The following KDM4C variants were observed in gnomAD, a reference collection of about 807,000 sequenced individuals.
KDM4C encodes the protein lysine demethylase 4C.
A neutral mutation model predicts 129.3 loss-of-function variants in KDM4C; 81 were observed. The observed-to-expected ratio is 0.63, with a 90% CI of 0.52 to 0.75. The LOEUF is 0.75. Among genes scored for constraint, KDM4C ranks in the 30% least tolerant of loss-of-function variants. The pLI, the probability that KDM4C is intolerant of heterozygous loss-of-function variation, is 0.00. For synonymous variants in KDM4C, 573 were observed against 456.1 expected (o/e 1.26, Z -3.26); for missense variants, 1,457 against 1,304.0 (o/e 1.12, Z -1.81).
At chr9:6,927,380 T>G (rs1030811406) in intron 8 of KDM4C, among the ~76,000 whole-genome samples, 13 of 152,210 alleles carry the variant, frequency 8.5e-5, no homozygotes, top group African/African-American at 3.1e-4. Context: ...TCCGCCTGCC[T>G]TGGCTTCCCA....
At chr9:6,819,615 A>G (rs1832683665) in intron 4 of KDM4C, among the ~76,000 whole-genome samples, 1 of 152,216 alleles carries the variant, frequency 6.6e-6, no homozygotes, top group Admixed American at 6.5e-5. Context: ...CTTCTGGTAA[A>G]CAAAACCAAT....
intron 18 of KDM4C, among the ~76,000 whole-genome samples, chr9:7,126,558 TCTGAA>T (rs1300597033): frequency 1.3e-5 from 2 of 152,326 alleles, no homozygotes; most frequent in East Asian, 3.9e-4. Flanking sequence ...GGGATATCAC[TCTGAA>T]CTGGTGATTT....
At chr9:7,060,272 A>G (rs1338721664) in intron 17 of KDM4C, among the ~76,000 whole-genome samples, 1 of 150,810 alleles carries the variant, frequency 6.6e-6, no homozygotes, top group East Asian at 1.9e-4. Context: ...GGAGAGGGAC[A>G]GCTATTGCAT....
rs1491581614 is a variant in KDM4C at position 7,068,682 on chromosome 9, C to CTCTCT, written c.2424+19483_2424+19484insCTCTT. ...CTATTTCATACATGTTTATGATGCC[C>CTCTCT]TTTCTTTTTTTTTTTTTTTTTTTTT... is the stretch of plus-strand genomic sequence containing the variant. On this transcript the variant is annotated intron_variant, in intron 17 of 21. Coordinates refer to ENST00000381309, the MANE Select transcript of KDM4C (RefSeq NM_015061.6). Among the ~76,000 whole-genome samples, 18 of 88,532 alleles carry CTCTCT rather than the reference C, an allele frequency of 2.0e-4. 6 individuals are homozygous for CTCTCT. Among genetic ancestry groups the CTCTCT allele is most frequent in the Non-Finnish European group, 4.1e-4 (18 of 43,512 alleles). The allele number at this position is 88,532 out of a possible 152,430, so 58.1% of individuals were successfully genotyped here.
chr9:7,170,080 G>C (rs1844811783), intron 21 of KDM4C, 190 bp downstream of exon 21: 3 of 1,491,882 alleles, frequency 2.0e-6, no homozygotes, highest in East Asian at 5.1e-5. Context: ...GGAAATTAAT[G>C]CATGTGCTTT....
intron 1 of KDM4C, among the ~76,000 whole-genome samples, chr9:6,722,989 C>T (rs1248321649): frequency 6.6e-6 from 1 of 151,246 alleles, no homozygotes; most frequent in Non-Finnish European, 1.5e-5. Context: ...CAGAGCAATA[C>T]ACTGTCTCAT....
chr9:7,104,013 G>T, intron 18 of KDM4C, 143 bp downstream of exon 18: 1 of 725,002 alleles, frequency 1.4e-6, no homozygotes. Context: ...TTGAGGGCAG[G>T]GATTGCGCAC....
exon 1 of KDM4C, chr9:6,720,994 G>T: frequency 1.3e-6 from 2 of 1,551,134 alleles, no homozygotes; most frequent in South Asian, 1.2e-5. Context: ...AGAAGCAGCT[G>T]CAGGTGAGTG....
At chr9:6,817,056 A>G (rs9644837) in intron 4 of KDM4C, among the ~76,000 whole-genome samples, 1 of 152,088 alleles carries the variant, frequency 6.6e-6, no homozygotes, top group East Asian at 1.9e-4. Context: ...TGGCTATGTA[A>G]TTTTCTTAAT....
chr9:6,862,119 T>C (rs1384004664), intron 5 of KDM4C, among the ~76,000 whole-genome samples: 1 of 152,200 alleles, frequency 6.6e-6, no homozygotes, highest in Non-Finnish European at 1.5e-5. Flanking sequence ...GTATGATCTC[T>C]AATATAATTT....
chr9:6,736,789 G>A (rs1027026352), intron 1 of KDM4C, among the ~76,000 whole-genome samples: 2 of 152,018 alleles, frequency 1.3e-5, no homozygotes, highest in East Asian at 1.9e-4. Context: ...AGTGGCTCAC[G>A]CCTGTAATCC....
At chr9:7,003,155 T>G (rs1821043101) in intron 12 of KDM4C, among the ~76,000 whole-genome samples, 1 of 152,174 alleles carries the variant, frequency 6.6e-6, no homozygotes, top group South Asian at 2.1e-4. Flanking sequence ...CGTGAGCCAC[T>G]GTGTCCAGCC....
intron 4 of KDM4C, among the ~76,000 whole-genome samples, chr9:6,845,795 T>C (rs6477119): frequency 0.13 from 19,657 of 152,130 alleles, 1,669 homozygotes; most frequent in African/African-American, 0.24. Context: ...GTTATGAATA[T>C]TGCTCATGTG....
At chr9:6,801,025 T>C (rs1328180266) in intron 2 of KDM4C, among the ~76,000 whole-genome samples, 1 of 152,132 alleles carries the variant, frequency 6.6e-6, no homozygotes, top group Non-Finnish European at 1.5e-5. Context: ...CAGCTCACTG[T>C]GAGGTGGTTT....
At chr9:7,026,529 C>T (rs1288089860) in intron 15 of KDM4C, among the ~76,000 whole-genome samples, 1 of 151,706 alleles carries the variant, frequency 6.6e-6, no homozygotes, top group Admixed American at 6.6e-5. Flanking sequence ...TTCCCCTTGA[C>T]CTTTGGGAGT....
intron 8 of KDM4C, among the ~76,000 whole-genome samples, chr9:6,952,997 A>G (rs1477308039): frequency 6.6e-6 from 1 of 152,192 alleles, no homozygotes; most frequent in Non-Finnish European, 1.5e-5. Flanking sequence ...TGTCATTTTA[A>G]AAATGGTTTA....
intron 1 of KDM4C, among the ~76,000 whole-genome samples, chr9:6,732,751 G>A (rs1028330391): frequency 6.6e-6 from 1 of 152,120 alleles, no homozygotes; most frequent in Non-Finnish European, 1.5e-5. Flanking sequence ...GATGGCTCAC[G>A]CCTATAACTG....
At chr9:6,835,442 C>G (rs1835708691) in intron 4 of KDM4C, 2 of 1,187,126 alleles carry the variant, frequency 1.7e-6, no homozygotes, top group South Asian at 2.4e-5. Context: ...AAGATCATTG[C>G]TCCTCCTGAG....
At chr9:7,140,322 T>G (rs1841617389) in intron 19 of KDM4C, among the ~76,000 whole-genome samples, 1 of 152,192 alleles carries the variant, frequency 6.6e-6, no homozygotes, top group African/African-American at 2.4e-5. Flanking sequence ...CAGGGCTTTA[T>G]GTTTGTTTTG....
Sources: gnomAD v4.1 joint callset for allele counts (sites outside exome capture counted in the v4.1 genomes callset) on GRCh38, gnomAD v4.1.1 for gene constraint, MANE v1.5 for transcripts, NCBI Gene and HGNC (gene_info 2026-07-23, HGNC 2026-07-21) for gene names.